CALN1: variants seen among roughly 807,000 people sequenced by gnomAD.
CALN1 encodes calneuron 1.
CALN1 carries 17 observed loss-of-function variants against 30.6 expected under a neutral mutation model. The observed-to-expected ratio is 0.56, with a 90% CI of 0.38 to 0.83. The LOEUF (loss-of-function observed/expected upper bound fraction) is 0.83. Ranked by LOEUF, CALN1 falls within the 40% of genes least tolerant of loss-of-function variation. CALN1 has a pLI of 0.00. For synonymous variants in CALN1, 156 were observed against 131.4 expected, an observed-to-expected ratio of 1.19 and a Z score of -1.28; for missense variants, 291 against 354.9, an observed-to-expected ratio of 0.82 and a Z score of 1.45.
At chr7:71,878,324 C>T (rs1211704701) in intron 5 of CALN1, among the ~76,000 whole-genome samples, 1 of 152,010 alleles carries the variant, frequency 6.6e-6, no homozygotes, top group Non-Finnish European at 1.5e-5. Context: ...ATTGCCTGAA[C>T]CCAGGAGGCA....
chr7:72,259,176 G>A (rs1050607992), intron 3 of CALN1, among the ~76,000 whole-genome samples: 1 of 151,920 alleles, frequency 6.6e-6, no homozygotes, highest in African/African-American at 2.4e-5. Flanking sequence ...CAGTTCTCCA[G>A]CCACCATTGA....
At chr7:72,487,776 G>GGGT in the CALN1 span, among the ~76,000 whole-genome samples, 25 of 95,194 alleles carry the variant, frequency 2.6e-4, no homozygotes, top group African/African-American at 1.1e-3. Context: ...AAGAAAGAAA[G>GGGT]AAAGAGAAAG....
chr7:72,447,774 T>A (rs1306940756), upstream of CALN1, among the ~76,000 whole-genome samples: 2 of 149,150 alleles, frequency 1.3e-5, no homozygotes, highest in Non-Finnish European at 3.0e-5. Context: ...CACCTGCCCA[T>A]GTACACACAC....
chr7:72,335,275 C>CTT (rs1760144117), intron 2 of CALN1, among the ~76,000 whole-genome samples: 1 of 152,328 alleles, frequency 6.6e-6, no homozygotes, highest in East Asian at 1.9e-4. Context: ...CACCAAATGG[C>CTT]TTTAAATTCC....
intron 2 of CALN1, among the ~76,000 whole-genome samples, chr7:72,307,896 C>A (rs1413367407): frequency 2.7e-5 from 4 of 146,160 alleles, no homozygotes; most frequent in African/African-American, 5.0e-5. Flanking sequence ...AAGGCAGAGA[C>A]AAAAAAAAAA....
At chr7:72,029,043 C>CTA (rs1801271244) in intron 4 of CALN1, among the ~76,000 whole-genome samples, 1 of 152,068 alleles carries the variant, frequency 6.6e-6, no homozygotes, top group Non-Finnish European at 1.5e-5. Context: ...ATCTTTGTCT[C>CTA]TGTTTCCTGG....
chr7:72,327,145 C>T (rs893344772), intron 2 of CALN1, among the ~76,000 whole-genome samples: 13 of 152,194 alleles, frequency 8.5e-5, no homozygotes, highest in African/African-American at 2.9e-4. Context: ...ACAAGGTCAA[C>T]TTGGGCTTTA....
At chr7:71,855,877 A>G (rs1451680678) in intron 5 of CALN1, among the ~76,000 whole-genome samples, 2 of 152,196 alleles carry the variant, frequency 1.3e-5, no homozygotes, top group Non-Finnish European at 2.9e-5. Context: ...AGTCCTGACT[A>G]CATGTGCATT....
chr7:72,314,329 C>T (rs1800265342), intron 2 of CALN1, among the ~76,000 whole-genome samples: 1 of 150,254 alleles, frequency 6.7e-6, no homozygotes. Context: ...GTGCAATACA[C>T]TATGTTAACA....
intron 2 of CALN1, among the ~76,000 whole-genome samples, chr7:72,352,997 G>C (rs1803017969): frequency 6.6e-6 from 1 of 152,012 alleles, no homozygotes; most frequent in Non-Finnish European, 1.5e-5. Flanking sequence ...AAACAAAAGA[G>C]AAAAATTCTT....
At chr7:72,217,689 T>C (rs1792934280) in intron 3 of CALN1, among the ~76,000 whole-genome samples, 2 of 151,858 alleles carry the variant, frequency 1.3e-5, no homozygotes, top group African/African-American at 2.4e-5. Context: ...ACCTTAAATA[T>C]CACTGGGGCT....
At chr7:72,249,306 C>T (rs1021204885) in intron 3 of CALN1, among the ~76,000 whole-genome samples, 1 of 152,164 alleles carries the variant, frequency 6.6e-6, no homozygotes, top group Non-Finnish European at 1.5e-5. Flanking sequence ...CCTGCCCATA[C>T]ACAGCTCATG....
chr7:72,397,452 C>T (rs889810462), intron 2 of CALN1, among the ~76,000 whole-genome samples: 10 of 152,132 alleles, frequency 6.6e-5, no homozygotes, highest in Non-Finnish European at 1.3e-4. Flanking sequence ...TCTCCATGCT[C>T]ATTCATCTCC....
rs1807821932 is a variant in CALN1 at position 72,427,089 on chromosome 7, C to T, written c.-225-14814G>A. On this transcript the variant is annotated intron_variant, in intron 1 of 6. Coordinates refer to the CALN1 transcript ENST00000395276. ...CCTCAACTTTCTGGGATCAAGTGAT[C>T]CTCTCACCTCAGCCTCCCAAGTAGC... Among the ~76,000 whole-genome samples the T allele has an allele frequency of 2.6e-5, 4 of 152,144 alleles. No homozygotes were observed. In the South Asian group the frequency reaches 8.3e-4, roughly 31 times the overall value.
intron 6 of CALN1, among the ~76,000 whole-genome samples, chr7:71,791,866 C>T (rs1239737752): frequency 5.3e-5 from 8 of 152,110 alleles, no homozygotes; most frequent in Admixed American, 1.3e-4. Context: ...AAAAAATTAG[C>T]CGGGCGTGTT....
intron 5 of CALN1, among the ~76,000 whole-genome samples, chr7:71,938,989 T>TTGAATGAA (rs113675664): frequency 6.6e-6 from 1 of 151,956 alleles, no homozygotes; most frequent in Non-Finnish European, 1.5e-5. Context: ...GATTGAATGA[T>TTGAATGAA]TGAATGAATG....
intron 4 of CALN1, among the ~76,000 whole-genome samples, chr7:72,025,318 A>C (rs892956187): frequency 6.6e-6 from 1 of 150,646 alleles, no homozygotes; most frequent in Non-Finnish European, 1.5e-5. Flanking sequence ...CTAAAAAAAT[A>C]ATAATAATAA....
chr7:72,091,065 T>C (rs1584922244), intron 4 of CALN1, among the ~76,000 whole-genome samples: 1 of 152,136 alleles, frequency 6.6e-6, no homozygotes. Flanking sequence ...CGGTGGCTCA[T>C]GCCTGTAATC....
chr7:71,934,450 C>CAAGCT, intron 5 of CALN1, among the ~76,000 whole-genome samples: 1 of 152,138 alleles, frequency 6.6e-6, no homozygotes, highest in Non-Finnish European at 1.5e-5. Flanking sequence ...AGCATGGTGC[C>CAAGCT]TGTATCTACT....
Sources: allele counts gnomAD v4.1 joint callset (sites outside exome capture counted in the v4.1 genomes callset), GRCh38; gene constraint gnomAD v4.1.1; transcripts MANE v1.5; gene names NCBI Gene and HGNC (gene_info 2026-07-23, HGNC 2026-07-21).